MYO5B: variants seen among roughly 807,000 people sequenced by gnomAD.
MYO5B encodes myosin VB.
In MYO5B, 143 loss-of-function variants were observed where a neutral mutation model predicts 229.3. The observed-to-expected ratio is 0.62, with a 90% CI of 0.54 to 0.72. The LOEUF (loss-of-function observed/expected upper bound fraction) is 0.72. Ranked by LOEUF, MYO5B falls within the 30% of genes least tolerant of loss-of-function variation. The pLI is 0.00. For synonymous variants in MYO5B, 918 were observed against 885.2 expected (o/e 1.04, Z -0.66); for missense variants, 2,321 against 2,331.0 (o/e 1.00, Z 0.09).
intron 1 of MYO5B, among the ~76,000 whole-genome samples, chr18:50,183,156 G>A (rs113025519): frequency 2.4e-4 from 36 of 151,508 alleles, no homozygotes; most frequent in African/African-American, 8.0e-4. Context: ...GATGATGCAC[G>A]GTAATAAAAT....
chr18:49,964,831 C>T (rs2025603966), intron 10 of MYO5B, among the ~76,000 whole-genome samples: 2 of 152,120 alleles, frequency 1.3e-5, no homozygotes, highest in Non-Finnish European at 2.9e-5. Flanking sequence ...TGCAATATGG[C>T]CCAATCTTTG....
chr18:49,938,883 C>T (rs2025280749), intron 14 of MYO5B, among the ~76,000 whole-genome samples: 1 of 145,760 alleles, frequency 6.9e-6, no homozygotes, highest in Non-Finnish European at 1.5e-5. Flanking sequence ...TGACCCTCTC[C>T]CAAAGCACCC....
At chr18:49,892,339 T>C (rs556547013) in intron 22 of MYO5B, among the ~76,000 whole-genome samples, 1 of 152,298 alleles carries the variant, frequency 6.6e-6, no homozygotes, top group Admixed American at 6.5e-5. Flanking sequence ...GACAGAGAGA[T>C]GAATTCCTGC....
chr18:49,942,394 A>AAAC (rs1555645733), intron 14 of MYO5B, among the ~76,000 whole-genome samples: 4 of 141,770 alleles, frequency 2.8e-5, no homozygotes, highest in African/African-American at 1.1e-4. Flanking sequence ...AAAAAAAAAA[A>AAAC]AAAAAAAAAA....
In MYO5B at chr18:50,070,018, C is replaced by CTTT. The variant is rs765610800; in HGVS notation, c.28-14643_28-14641dup. ...CTTACCTGAAATATTGCAATTTAGT[C>CTTT]TTTTTTTTTTTTTTTTTTTTTGAGA... On this transcript the variant is annotated intron_variant, in intron 1 of 39. Coordinates refer to ENST00000285039, the MANE Select transcript of MYO5B (RefSeq NM_001080467.3). Among the ~76,000 whole-genome samples the CTTT allele has an allele frequency of 5.0e-3, 553 of 110,058 alleles. 9 individuals are homozygous for CTTT. The highest frequency in any genetic ancestry group is 7.6e-3 in the Non-Finnish European group (423 of 55,392). The allele number at this position is 110,058 out of a possible 152,430, so 72.2% of individuals were successfully genotyped here. A position where few individuals can be genotyped will look rare whatever the true frequency, so the allele number is the denominator to read the frequency against.
At chr18:49,895,524 G>T (rs998733497) in intron 21 of MYO5B, among the ~76,000 whole-genome samples, 1 of 151,786 alleles carries the variant, frequency 6.6e-6, no homozygotes, top group East Asian at 1.9e-4. Flanking sequence ...CTGGCTCTCT[G>T]GGTTTGCAGC....
intron 21 of MYO5B, among the ~76,000 whole-genome samples, chr18:49,898,738 T>A (rs17714658): frequency 0.032 from 4,873 of 152,274 alleles, 105 homozygotes; most frequent in Middle Eastern, 0.054. Context: ...TTTCTTCCTG[T>A]TACTGTTTGC....
intron 1 of MYO5B, among the ~76,000 whole-genome samples, chr18:50,146,692 A>C (rs2032508300): frequency 6.6e-6 from 1 of 152,258 alleles, no homozygotes; most frequent in South Asian, 2.1e-4. Flanking sequence ...GAATTAACCC[A>C]GTGCTAAGAC....
chr18:49,917,188 C>T (rs2025026228), intron 17 of MYO5B, among the ~76,000 whole-genome samples: 1 of 152,188 alleles, frequency 6.6e-6, no homozygotes, highest in Admixed American at 6.5e-5. Flanking sequence ...AGACTTGCAC[C>T]TCCTTCAAGT....
intron 2 of MYO5B, among the ~76,000 whole-genome samples, chr18:50,048,413 T>C (rs769821371): frequency 4.3e-4 from 65 of 152,352 alleles, no homozygotes; most frequent in South Asian, 1.0e-3. Flanking sequence ...TTCTCATTTA[T>C]GCTAGGTGCA....
intron 2 of MYO5B, among the ~76,000 whole-genome samples, chr18:50,051,118 T>C (rs1047816762): frequency 6.6e-6 from 1 of 152,214 alleles, no homozygotes; most frequent in Non-Finnish European, 1.5e-5. Context: ...CTGAATAGAA[T>C]TGCAACTATC....
Position 49,974,448 on chromosome 18 carries a change from G to C in MYO5B, c.1224C>G (p.Ile408Met). 1 of 1,614,210 alleles carries C rather than the reference G, an allele frequency of 6.2e-7. No homozygotes were observed. The highest frequency in any genetic ancestry group is 8.5e-7 in the Non-Finnish European group (1 of 1,180,032). The change falls in exon 10 of 40, where the codon ATC (isoleucine) becomes ATG (methionine). Residue 408 changes from isoleucine to methionine, a missense_variant. By Grantham distance (10) the Ile-to-Met change is conservative. This residue lies in a region of MYO5B where 2,113 missense variants were observed against 2,044.7 expected (regional missense o/e 1.03). Transcript: ENST00000285039. ...CAATCCAGCCGAACAACTGGGCATA[G>C]ATGTGCTTCGCCAGGGCGTTGCGCG... ...INARNALAKH[I>M]YAQLFGWIVE...
At chr18:49,934,023 G>T (rs2025223058) in intron 16 of MYO5B, among the ~76,000 whole-genome samples, 1 of 152,112 alleles carries the variant, frequency 6.6e-6, no homozygotes, top group South Asian at 2.1e-4. Flanking sequence ...CTATAGGCAT[G>T]CACCACCATG....
intron 1 of MYO5B, among the ~76,000 whole-genome samples, chr18:50,062,572 C>T (rs1188655354): frequency 6.6e-6 from 1 of 152,176 alleles, no homozygotes; most frequent in Non-Finnish European, 1.5e-5. Context: ...AAGTGGGACA[C>T]ACTCCACTCT....
rs1168717499 is a variant in MYO5B, at chr18:49,904,067, G to A, written c.2571+605C>T. On this transcript the variant is annotated intron_variant, in intron 20 of 39. Transcript: ENST00000285039. ...CAGGCAGGTGACCTGGCTTCTCTGA[G>A]CAACTCAGGTATCAGAAGGGGTGTG... 2.0e-5 allele frequency among the ~76,000 whole-genome samples: 3 copies of A among 152,364 alleles called. No individual in the cohort carries two copies. The East Asian group carries it at 5.8e-4, about 29-fold the overall frequency.
At chr18:50,038,609 C>T (rs758165368) in intron 3 of MYO5B, among the ~76,000 whole-genome samples, 2 of 152,188 alleles carry the variant, frequency 1.3e-5, no homozygotes, top group Non-Finnish European at 1.5e-5. Context: ...TCCGAGGTCA[C>T]GTGTTTTCCT....
intron 12 of MYO5B, among the ~76,000 whole-genome samples, chr18:49,954,641 G>T (rs1468334797): frequency 2.0e-5 from 3 of 152,182 alleles, no homozygotes; most frequent in Non-Finnish European, 4.4e-5. Context: ...ATGTGGGCTG[G>T]CTCCCTTGGG....
rs2031734344 is a variant in MYO5B at position 50,105,232 on chromosome 18, T to TC, written c.28-49855_28-49854insG. The stretch of plus-strand genomic sequence containing the variant: ...ATAAATAAATAAATAAATAAATAAA[T>TC]AAATAAATAAATAAATAAAAAATAG... On this transcript the variant is annotated intron_variant, in intron 1 of 39. Transcript: ENST00000285039. Among the ~76,000 whole-genome samples the TC allele has an allele frequency of 1.0e-4, 15 of 145,512 alleles. 1 individual carries two copies. The highest frequency in any genetic ancestry group is 9.5e-4 in the Admixed American group (14 of 14,694).
rs138533366 is a variant in MYO5B, at chr18:50,159,524, T to C, written c.27+35243A>G. Among the ~76,000 whole-genome samples the C allele has an allele frequency of 7.9e-5, 12 of 152,204 alleles. No individual in the cohort carries two copies. In the East Asian group the frequency reaches 2.1e-3, roughly 27 times the overall value. ...CCACGGGAGAGCAGTCAACTAAAGCTCCCAGCTCCAGGTGCTCTGCAGCCC... is the reference window on the plus strand; with the variant it reads ...CCACGGGAGAGCAGTCAACTAAAGCCCCCAGCTCCAGGTGCTCTGCAGCCC... On this transcript the variant is annotated intron_variant, in intron 1 of 39. Coordinates refer to ENST00000285039, the MANE Select transcript of MYO5B (RefSeq NM_001080467.3).
Sources: allele counts gnomAD v4.1 joint callset (sites outside exome capture counted in the v4.1 genomes callset), GRCh38; gene constraint gnomAD v4.1.1; regional missense constraint gnomAD v4.1.1; transcripts MANE v1.5; gene names NCBI Gene and HGNC (gene_info 2026-07-23, HGNC 2026-07-21).